Variants in SLC24A2 observed in about 807,000 individuals in gnomAD.
SLC24A2 encodes the protein sodium/potassium/calcium exchanger 2.
A neutral mutation model predicts 62.0 loss-of-function variants in SLC24A2; 36 were observed. The observed-to-expected ratio is 0.58, with a 90% confidence interval of 0.44 to 0.77. SLC24A2 has a LOEUF of 0.77. Among genes scored for constraint, SLC24A2 ranks in the 30% least tolerant of loss-of-function variants. The pLI is 0.00. For missense variants in SLC24A2, 846 were observed against 817.9 expected (o/e 1.03, Z -0.42); for synonymous variants, 358 against 294.0 (o/e 1.22, Z -2.23).
At chr9:20,082,197 T>C in the SLC24A2 span, among the ~76,000 whole-genome samples, 1 of 152,232 alleles carries the variant, frequency 6.6e-6, no homozygotes. Flanking sequence ...GAATTAAGAA[T>C]ACAAACTTGA....
chr9:19,712,505 T>C (rs1820743159), intron 2 of SLC24A2, among the ~76,000 whole-genome samples: 1 of 151,844 alleles, frequency 6.6e-6, no homozygotes, highest in Non-Finnish European at 1.5e-5. Context: ...CCTTGGGGAG[T>C]TTGGAATAGG....
Position 19,636,279 on chromosome 9 carries a change from T to TTCTCTTCTTTTCTTCTCTTCTTC in SLC24A2, c.931-13981_931-13980insGAAGAAGAGAAGAAAAGAAGAGA, listed in dbSNP as rs200792136. 2.2e-4 allele frequency among the ~76,000 whole-genome samples: 12 copies of TTCTCTTCTTTTCTTCTCTTCTTC among 54,866 alleles called. 1 individual carries two copies. The highest frequency in any genetic ancestry group is 3.2e-4 in the Non-Finnish European group (9 of 28,084). 36.0% of individuals were successfully genotyped at this position (54,866 alleles called of 152,430 possible). A position where few individuals can be genotyped will look rare whatever the true frequency, so the allele number is the denominator to read the frequency against. On this transcript the variant is annotated intron_variant, in intron 2 of 10. Coordinates refer to ENST00000341998, the MANE Select transcript of SLC24A2 (RefSeq NM_020344.4). ...CCTTTTCTTTTCTTCTCTTCTTCTC[T>TTCTCTTCTTTTCTTCTCTTCTTC]TCTTCTCTTCTTTTCTTTTCTTTTC...
chr9:19,688,756 C>T (rs886344381), intron 2 of SLC24A2, among the ~76,000 whole-genome samples: 1 of 151,994 alleles, frequency 6.6e-6, no homozygotes, highest in African/African-American at 2.4e-5. Context: ...TTATGTGGCC[C>T]CAACATACAT....
chr9:20,164,093 T>C, the SLC24A2 span, among the ~76,000 whole-genome samples: 20 of 151,844 alleles, frequency 1.3e-4, no homozygotes, highest in South Asian at 4.2e-4. Flanking sequence ...ATGTCTAAAA[T>C]ACCAAAAGCA....
intron 2 of SLC24A2, among the ~76,000 whole-genome samples, chr9:19,648,228 G>T (rs1238281571): frequency 6.6e-6 from 1 of 152,120 alleles, no homozygotes; most frequent in African/African-American, 2.4e-5. Context: ...CATGTTCAAA[G>T]GCCGTCCAAT....
At chr9:19,709,895 TATAATA>T (rs1284402030) in intron 2 of SLC24A2, among the ~76,000 whole-genome samples, 1 of 151,840 alleles carries the variant, frequency 6.6e-6, no homozygotes, top group African/African-American at 2.4e-5. Context: ...AAGCTTAAAG[TATAATA>T]ATAATAAAAT....
the SLC24A2 span, among the ~76,000 whole-genome samples, chr9:19,820,342 C>T: frequency 6.7e-6 from 1 of 150,226 alleles, no homozygotes; most frequent in Non-Finnish European, 1.5e-5. Context: ...GTGTATACTG[C>T]TCAGGTGATG....
chr9:20,126,891 T>G, the SLC24A2 span, among the ~76,000 whole-genome samples: 1 of 152,122 alleles, frequency 6.6e-6, no homozygotes, highest in African/African-American at 2.4e-5. Flanking sequence ...TATATCATAT[T>G]TTTAGGAAGA....
chr9:19,710,546 G>C (rs371971269), intron 2 of SLC24A2, among the ~76,000 whole-genome samples: 26 of 152,142 alleles, frequency 1.7e-4, no homozygotes, highest in African/African-American at 6.0e-4. Context: ...TCAAATATGA[G>C]AAAGAACACA....
At chr9:20,148,380 A>G in the SLC24A2 span, among the ~76,000 whole-genome samples, 1 of 152,076 alleles carries the variant, frequency 6.6e-6, no homozygotes, top group Admixed American at 6.6e-5. Flanking sequence ...TCTGTTTCCA[A>G]GTAGGTAAAA....
chr9:19,944,393 G>A, the SLC24A2 span, among the ~76,000 whole-genome samples: 1 of 148,034 alleles, frequency 6.8e-6, no homozygotes, highest in Non-Finnish European at 1.5e-5. Flanking sequence ...ATATACCCAG[G>A]TAACAAACCT....
At chr9:19,552,532 CAG>C (rs758441203) in intron 7 of SLC24A2, among the ~76,000 whole-genome samples, 8 of 151,946 alleles carry the variant, frequency 5.3e-5, no homozygotes, top group Non-Finnish European at 1.2e-4. Context: ...TTTTTTCTAG[CAG>C]AGAGTCAGTC....
intron 5 of SLC24A2, among the ~76,000 whole-genome samples, chr9:19,589,652 G>A (rs1444273773): frequency 6.6e-6 from 1 of 151,918 alleles, no homozygotes; most frequent in East Asian, 1.9e-4. Context: ...TGTACTATTT[G>A]CTATATTTAA....
the SLC24A2 span, among the ~76,000 whole-genome samples, chr9:20,177,652 G>A: frequency 2.2e-4 from 34 of 151,998 alleles, no homozygotes; most frequent in Non-Finnish European, 4.3e-4. Context: ...GATCCTTTAG[G>A]CTATGGGTGA....
the SLC24A2 span, among the ~76,000 whole-genome samples, chr9:19,994,299 A>T: frequency 6.6e-6 from 1 of 152,162 alleles, no homozygotes; most frequent in Non-Finnish European, 1.5e-5. Flanking sequence ...AACAAAAACA[A>T]AACAAAAAAA....
the SLC24A2 span, among the ~76,000 whole-genome samples, chr9:20,129,502 A>G: frequency 6.6e-6 from 1 of 152,124 alleles, no homozygotes; most frequent in South Asian, 2.1e-4. Context: ...CACTATTTAC[A>G]ATAGCCAAAA....
chr9:20,122,686 G>A, the SLC24A2 span, among the ~76,000 whole-genome samples: 6 of 151,982 alleles, frequency 3.9e-5, no homozygotes, highest in Admixed American at 2.0e-4. Context: ...ACTCTGTCTC[G>A]AAAAAACAAA....
chr9:19,750,986 G>A (rs1486995595), intron 2 of SLC24A2, among the ~76,000 whole-genome samples: 1 of 152,148 alleles, frequency 6.6e-6, no homozygotes. Context: ...TGAAGATTTA[G>A]CTGCACCCCT....
chr9:19,733,319 T>A (rs934454747), intron 2 of SLC24A2, among the ~76,000 whole-genome samples: 2 of 152,166 alleles, frequency 1.3e-5, no homozygotes, highest in South Asian at 4.1e-4. Flanking sequence ...CCTAAGGGTA[T>A]CAGAATCAAA....
Sources: allele counts gnomAD v4.1 joint callset (sites outside exome capture counted in the v4.1 genomes callset), GRCh38; gene constraint gnomAD v4.1.1; transcripts MANE v1.5; gene names NCBI Gene and HGNC (gene_info 2026-07-23, HGNC 2026-07-21).